CACNG3: variants seen among roughly 807,000 people sequenced by gnomAD.
CACNG3 encodes voltage-dependent calcium channel gamma-3 subunit.
CACNG3 carries 3 observed loss-of-function variants against 28.5 expected under a neutral mutation model. The ratio of observed to expected loss-of-function variants is 0.11; its 90% CI spans 0.05 to 0.27. CACNG3 has a LOEUF of 0.27. Ranked by LOEUF, CACNG3 falls within the 10% of genes least tolerant of loss-of-function variation. The pLI is 1.00. For missense variants in CACNG3, 236 were observed against 414.4 expected (o/e 0.57, Z 3.74); for synonymous variants, 174 against 162.2 (o/e 1.07, Z -0.55).
chr16:24,265,128 G>C (rs1898580334), intron 1 of CACNG3, among the ~76,000 whole-genome samples: 1 of 152,206 alleles, frequency 6.6e-6, no homozygotes. Flanking sequence ...TATAGTCCCA[G>C]CTACTCAGGA....
At chr16:24,258,458 C>A (rs1041772193) in intron 1 of CACNG3, among the ~76,000 whole-genome samples, 1 of 152,182 alleles carries the variant, frequency 6.6e-6, no homozygotes, top group Non-Finnish European at 1.5e-5. Context: ...CTCCAACTCT[C>A]AGTTTATTCA....
At chr16:24,288,295 T>A (rs1898920915) in intron 1 of CACNG3, among the ~76,000 whole-genome samples, 1 of 152,216 alleles carries the variant, frequency 6.6e-6, no homozygotes, top group African/African-American at 2.4e-5. Context: ...CAGCTTCACA[T>A]GCACTCTCTC....
intron 1 of CACNG3, among the ~76,000 whole-genome samples, chr16:24,284,345 T>C: frequency 6.6e-6 from 1 of 152,216 alleles, no homozygotes; most frequent in East Asian, 1.9e-4. Context: ...TGGGGCCTTT[T>C]TGAAAGTAGT....
At chr16:24,274,411 T>A (rs1427570508) in intron 1 of CACNG3, among the ~76,000 whole-genome samples, 1 of 152,168 alleles carries the variant, frequency 6.6e-6, no homozygotes, top group Non-Finnish European at 1.5e-5. Flanking sequence ...CTGGCACATG[T>A]AAGTACTAAT....
intron 1 of CACNG3, among the ~76,000 whole-genome samples, chr16:24,268,094 T>C (rs1353536528): frequency 6.6e-6 from 1 of 151,780 alleles, no homozygotes; most frequent in Non-Finnish European, 1.5e-5. Flanking sequence ...ATTTGAGAGA[T>C]AGATACTACT....
Position 24,361,977 on chromosome 16 carries a change from G to A in CACNG3, c.*114G>A. The A allele has an allele frequency of 9.2e-7, 1 of 1,082,198 alleles. No homozygotes were observed. Among genetic ancestry groups the A allele is most frequent in the Non-Finnish European group, 1.3e-6 (1 of 769,496 alleles). 67.0% of individuals were successfully genotyped at this position (1,082,198 alleles called of 1,614,324 possible). ...GATGGTATTACTTTTTACAAAGAAT[G>A]AAACCAAATGGACTCAGCCCTCTCC... On this transcript the variant is annotated 3_prime_UTR_variant, in exon 4 of 4. Coordinates refer to ENST00000005284, the MANE Select transcript of CACNG3 (RefSeq NM_006539.4). This position sits in a 1 kb window ranked among gnomAD's most constrained non-coding sequence, Gnocchi z 6.8.
intron 1 of CACNG3, among the ~76,000 whole-genome samples, chr16:24,307,572 A>G (rs1406150344): frequency 6.6e-6 from 1 of 152,116 alleles, no homozygotes; most frequent in Admixed American, 6.5e-5. Context: ...CCATCCCAAA[A>G]AACCTCTGGT....
rs541785333 is a variant in CACNG3 at position 24,274,226 on chromosome 16, T to C, written c.211+17261T>C. Among the ~76,000 whole-genome samples the C allele has an allele frequency of 4.0e-5, 6 of 150,310 alleles. No homozygotes were observed. In the South Asian group the frequency reaches 1.1e-3, roughly 27 times the overall value. On this transcript the variant is annotated intron_variant, in intron 1 of 3. Coordinates refer to ENST00000005284, the MANE Select transcript of CACNG3 (RefSeq NM_006539.4). ...CAAAAAAAAAAAACTCAACCTCTAC[T>C]ACCAGATTGCTTGGGCTCAAATCTG... is the stretch of plus-strand genomic sequence containing the variant.
At chr16:24,305,568 C>T (rs569783831) in intron 1 of CACNG3, among the ~76,000 whole-genome samples, 2 of 152,110 alleles carry the variant, frequency 1.3e-5, no homozygotes, top group South Asian at 2.1e-4. Flanking sequence ...GAAAACCAAA[C>T]GTTCACTCAT....
chr16:24,357,169 G>C (rs1473592413), intron 3 of CACNG3, among the ~76,000 whole-genome samples: 3 of 150,694 alleles, frequency 2.0e-5, no homozygotes, highest in Non-Finnish European at 4.4e-5. Context: ...AGGAGGCAGA[G>C]GTTGCAGTGA....
chr16:24,334,108 G>A (rs1899668418), intron 1 of CACNG3, among the ~76,000 whole-genome samples: 1 of 152,162 alleles, frequency 6.6e-6, no homozygotes, highest in African/African-American at 2.4e-5. Flanking sequence ...AAACACAAAT[G>A]ATATTTGCTC....
chr16:24,338,572 T>C (rs558397129), intron 1 of CACNG3, among the ~76,000 whole-genome samples: 9 of 152,312 alleles, frequency 5.9e-5, no homozygotes, highest in African/African-American at 2.2e-4. Flanking sequence ...CTCGAACCCT[T>C]GACCTCAAGT....
intron 1 of CACNG3, among the ~76,000 whole-genome samples, chr16:24,342,834 C>T (rs1037560718): frequency 1.3e-5 from 2 of 151,786 alleles, no homozygotes; most frequent in Non-Finnish European, 2.9e-5. Flanking sequence ...ATGCAAAAAC[C>T]ATTCTTGGCT....
chr16:24,352,170 G>A (rs2141382578), intron 2 of CACNG3, among the ~76,000 whole-genome samples: 1 of 151,858 alleles, frequency 6.6e-6, no homozygotes, highest in Non-Finnish European at 1.5e-5. Context: ...GCAAACGAAT[G>A]AAAGTGCAGT....
intron 3 of CACNG3, among the ~76,000 whole-genome samples, chr16:24,356,504 C>A (rs1900035146): frequency 6.6e-6 from 1 of 152,104 alleles, no homozygotes; most frequent in South Asian, 2.1e-4. Context: ...GTCTTCAAGA[C>A]TAGCCCTAGG....
At chr16:24,293,879 C>T (rs999036714) in intron 1 of CACNG3, among the ~76,000 whole-genome samples, 17 of 152,162 alleles carry the variant, frequency 1.1e-4, no homozygotes, top group South Asian at 4.2e-4. Context: ...CATCTGGTTT[C>T]GGGATTCATA....
chr16:24,340,645 C>T (rs982680268), intron 1 of CACNG3, among the ~76,000 whole-genome samples: 6 of 152,178 alleles, frequency 3.9e-5, no homozygotes, highest in Admixed American at 1.3e-4. Context: ...GAACCAGAGA[C>T]GAACTATTAG....
chr16:24,335,680 A>G (rs1334776006), intron 1 of CACNG3, among the ~76,000 whole-genome samples: 1 of 152,132 alleles, frequency 6.6e-6, no homozygotes, highest in African/African-American at 2.4e-5. Context: ...ATGACCAACA[A>G]TAGTGCCTGC....
chr16:24,349,597 T>C (rs1899914061), intron 2 of CACNG3, among the ~76,000 whole-genome samples: 1 of 152,220 alleles, frequency 6.6e-6, no homozygotes. Context: ...ATCTGTAAAG[T>C]GTCACGGCGC....
Sources: gnomAD v4.1 joint callset for allele counts (sites outside exome capture counted in the v4.1 genomes callset) on GRCh38, gnomAD v4.1.1 for gene constraint, Gnocchi (gnomAD v3.1) non-coding constraint, MANE v1.5 for transcripts, NCBI Gene and HGNC (gene_info 2026-07-23, HGNC 2026-07-21) for gene names.